SYT10: variants seen among roughly 807,000 people sequenced by gnomAD.
SYT10 encodes synaptotagmin-10.
SYT10 carries 31 observed loss-of-function variants against 51.1 expected under a neutral mutation model. The ratio of observed to expected loss-of-function variants is 0.61; its 90% CI spans 0.46 to 0.82. SYT10 has a LOEUF of 0.82. Ranked by LOEUF, SYT10 falls within the 40% of genes least tolerant of loss-of-function variation. SYT10 has a pLI of 0.00. For missense variants in SYT10, 603 were observed against 634.0 expected, an observed-to-expected ratio of 0.95 and a Z score of 0.53; for synonymous variants, 233 against 225.9, an observed-to-expected ratio of 1.03 and a Z score of -0.28.
intron 3 of SYT10, chr12:33,405,242 T>C (rs1295236501): frequency 6.6e-6 from 1 of 152,122 alleles, no homozygotes; most frequent in Non-Finnish European, 1.5e-5. Flanking sequence ...AGAGAAATAA[T>C]CTAACAATTA....
At position 33,434,275 on chromosome 12, in the gene SYT10, C is replaced by T. The variant is rs141699567; in HGVS notation, c.151+5097G>A. 5.7e-3 allele frequency among the ~76,000 whole-genome samples: 868 copies of T among 152,234 alleles called. 4 individuals carry two copies. Among genetic ancestry groups the T allele is most frequent in the African/African-American group, 0.02 (824 of 41,540 alleles). On this transcript the variant is annotated intron_variant, in intron 1 of 6. Transcript: ENST00000228567. ...TGCTTTTTCATGAGTATATTGCTGA[C>T]TGAATTCTAGCTTTTTAATGTTGTA...
intron 2 of SYT10, among the ~76,000 whole-genome samples, chr12:33,423,333 T>G (rs1259668656): frequency 6.6e-6 from 1 of 151,704 alleles, no homozygotes; most frequent in Non-Finnish European, 1.5e-5. Context: ...CATCTGTGTG[T>G]GTTATGTGTG....
Position 33,411,006 on chromosome 12 carries a change from C to G in SYT10, c.510-3650G>C, listed in dbSNP as rs144987970. ...GAGCCTCATGTAACCCAATCAGGTACTTACTATTATGTTCCCAAATGAGGA... is the reference window on the plus strand; with the variant it reads ...GAGCCTCATGTAACCCAATCAGGTAGTTACTATTATGTTCCCAAATGAGGA... On this transcript the variant is annotated intron_variant, in intron 2 of 6. Transcript: ENST00000228567. Among the ~76,000 whole-genome samples, 323 of 152,228 alleles carry G rather than the reference C, an allele frequency of 2.1e-3. 1 individual carries two copies. The highest frequency in any genetic ancestry group is 7.5e-3 in the African/African-American group (311 of 41,536).
chr12:33,386,253 C>G (rs746570101), intron 3 of SYT10, among the ~76,000 whole-genome samples: 3 of 152,142 alleles, frequency 2.0e-5, no homozygotes, highest in Non-Finnish European at 4.4e-5. Flanking sequence ...AAGTGATGTG[C>G]CCACCTCAGC....
At chr12:33,392,985 TA>T (rs71068378) in intron 3 of SYT10, among the ~76,000 whole-genome samples, 8,775 of 58,838 alleles carry the variant, frequency 0.15, 579 homozygotes, top group Non-Finnish European at 0.19. Context: ...TTTTTGCCAT[TA>T]AAAAAAAAAA....
At chr12:33,385,841 G>A (rs1866152372) in intron 3 of SYT10, among the ~76,000 whole-genome samples, 2 of 152,140 alleles carry the variant, frequency 1.3e-5, no homozygotes, top group African/African-American at 4.8e-5. Context: ...TCTTCACACA[G>A]CAAGGTGATC....
At chr12:33,413,741 G>A (rs12820205) in intron 2 of SYT10, among the ~76,000 whole-genome samples, 1 of 152,168 alleles carries the variant, frequency 6.6e-6, no homozygotes. Flanking sequence ...GCCAAATTGT[G>A]AAGACCTTCA....
intron 1 of SYT10, among the ~76,000 whole-genome samples, chr12:33,430,699 T>C (rs1311113378): frequency 6.6e-6 from 1 of 152,174 alleles, no homozygotes; most frequent in Non-Finnish European, 1.5e-5. Context: ...TATAATTTAG[T>C]TCATCGGTAT....
At chr12:33,396,872 T>G (rs911311562) in intron 3 of SYT10, among the ~76,000 whole-genome samples, 2 of 152,082 alleles carry the variant, frequency 1.3e-5, no homozygotes, top group Non-Finnish European at 2.9e-5. Flanking sequence ...TCTCTTGACC[T>G]CGTGATCCAC....
chr12:33,413,737 T>A (rs149762592), intron 2 of SYT10, among the ~76,000 whole-genome samples: 1 of 152,074 alleles, frequency 6.6e-6, no homozygotes. Flanking sequence ...ACATGCCAAA[T>A]TGTGAAGACC....
chr12:33,416,724 C>G (rs980111147), intron 2 of SYT10, among the ~76,000 whole-genome samples: 1 of 152,078 alleles, frequency 6.6e-6, no homozygotes, highest in Middle Eastern at 3.2e-3. Context: ...GGCATGCTTC[C>G]CTCTCATCAA....
intron 3 of SYT10, among the ~76,000 whole-genome samples, chr12:33,400,380 A>G (rs1275788380): frequency 2.6e-5 from 4 of 152,118 alleles, no homozygotes; most frequent in Non-Finnish European, 4.4e-5. Context: ...TGCATCCAAT[A>G]CTCTGAATTG....
At chr12:33,424,244 C>T (rs1866530137) in intron 2 of SYT10, among the ~76,000 whole-genome samples, 1 of 152,036 alleles carries the variant, frequency 6.6e-6, no homozygotes, top group African/African-American at 2.4e-5. Flanking sequence ...TTTCATTCTC[C>T]TCTAGCTAGG....
intron 5 of SYT10, among the ~76,000 whole-genome samples, chr12:33,380,637 C>T (rs1242174283): frequency 3.9e-5 from 6 of 152,148 alleles, no homozygotes; most frequent in Non-Finnish European, 8.8e-5. Context: ...TTTAAATGTA[C>T]TGACCCAATT....
intron 3 of SYT10, among the ~76,000 whole-genome samples, chr12:33,391,937 T>G (rs555194857): frequency 1.2e-4 from 18 of 152,262 alleles, no homozygotes; most frequent in Admixed American, 7.2e-4. Context: ...AGAAAACAAG[T>G]GACGAAGACA....
intron 3 of SYT10, among the ~76,000 whole-genome samples, chr12:33,400,812 G>C (rs1866297070): frequency 6.6e-6 from 1 of 152,084 alleles, no homozygotes; most frequent in Non-Finnish European, 1.5e-5. Context: ...GATCACTTGA[G>C]GTCAGGAGTT....
chr12:33,395,952 A>G (rs1409658457), intron 3 of SYT10, among the ~76,000 whole-genome samples: 1 of 152,230 alleles, frequency 6.6e-6, no homozygotes, highest in Non-Finnish European at 1.5e-5. Flanking sequence ...CTAGGAATGA[A>G]AGATTTAACA....
intron 3 of SYT10, among the ~76,000 whole-genome samples, chr12:33,396,887 C>T (rs1866261014): frequency 6.6e-6 from 1 of 152,150 alleles, no homozygotes; most frequent in Non-Finnish European, 1.5e-5. Flanking sequence ...ATCCACTCAC[C>T]TCGGCCTCCC....
intron 2 of SYT10, among the ~76,000 whole-genome samples, chr12:33,417,994 GCT>G (rs1425017918): frequency 2.0e-5 from 3 of 152,172 alleles, no homozygotes; most frequent in Non-Finnish European, 4.4e-5. Context: ...TCTCTTTGCT[GCT>G]CTGTTTCTCT....
Sources: gnomAD v4.1 joint callset for allele counts (sites outside exome capture counted in the v4.1 genomes callset) on GRCh38, gnomAD v4.1.1 for gene constraint, MANE v1.5 for transcripts, NCBI Gene and HGNC (gene_info 2026-07-23, HGNC 2026-07-21) for gene names.